FAM227A: variants seen among roughly 807,000 people sequenced by gnomAD.
FAM227A encodes the protein family with sequence similarity 227 member A.
In FAM227A, 80 loss-of-function variants were observed where a neutral mutation model predicts 74.7. That is an observed-to-expected ratio of 1.07 (90% CI 0.89 to 1.29). The LOEUF (loss-of-function observed/expected upper bound fraction) is 1.29. FAM227A is among the 50% of genes most tolerant of loss of function. FAM227A has a pLI of 0.00. For synonymous variants in FAM227A, 237 were observed against 241.8 expected, an observed-to-expected ratio of 0.98 and a Z score of 0.19; for missense variants, 654 against 683.4, an observed-to-expected ratio of 0.96 and a Z score of 0.48.
At chr22:38,593,933 C>G (rs187199365) in intron 15 of FAM227A, among the ~76,000 whole-genome samples, 33 of 152,242 alleles carry the variant, frequency 2.2e-4, no homozygotes, top group Admixed American at 3.9e-4. Context: ...CTCAAATGAT[C>G]CACCCGCCTC....
chr22:38,648,385 A>C (rs2092274362), intron 2 of FAM227A, among the ~76,000 whole-genome samples: 1 of 151,362 alleles, frequency 6.6e-6, no homozygotes, highest in East Asian at 1.9e-4. Context: ...AGGCAGGCGG[A>C]TCACCTGAGG....
rs1017307950 is a variant in FAM227A at position 38,627,294 on chromosome 22, G to T, written c.726+944C>A. 6.6e-5 allele frequency among the ~76,000 whole-genome samples: 10 copies of T among 152,036 alleles called. No individual in the cohort carries two copies. The South Asian group carries it at 1.9e-3, about 28-fold the overall frequency. On this transcript the variant is annotated intron_variant, in intron 8 of 16. Transcript: ENST00000535113. ...TATAAAATGGAAAGGGAGGCCGGGC[G>T]CAGTGGCTCATGCCTGTAATCCCAG...
chr22:38,581,866 C>A lies in FAM227A; in HGVS notation c.*4259G>T. On this transcript the variant is annotated 3_prime_UTR_variant, in exon 17 of 17. Transcript: ENST00000535113. ...CAAGCGATCCTCCCACCTCAGCCTC[C>A]CTAGTAGCTAGGACTATAGGTATGC... The A allele has an allele frequency of 6.5e-6, 1 of 153,716 alleles. No homozygotes were observed. The highest frequency in any genetic ancestry group is 1.9e-4 in the East Asian group (1 of 5,234). 9.5% of individuals were successfully genotyped at this position (153,716 alleles called of 1,614,324 possible).
chr22:38,612,691 T>C (rs908116442), intron 11 of FAM227A, among the ~76,000 whole-genome samples: 38 of 151,890 alleles, frequency 2.5e-4, no homozygotes, highest in Non-Finnish European at 2.2e-4. Context: ...GGGGAGGAAA[T>C]GGGAAGTATG....
chr22:38,597,238 T>G lies in FAM227A; in HGVS notation c.1498A>C (p.Lys500Gln). The part of the protein sequence containing the change: ...HHWTEWNYFD[K>Q]HLKELQDNFS... ...TTGTCTTGCAGCTCCTTTAGATGCT[T>G]GTCAAAATAATTCCATTCAGTCCAA... The change falls in exon 15 of 17, where the codon AAG becomes CAG. Residue 500 changes from lysine (K) to glutamine (Q), a missense_variant. Lys to Gln is a moderately conservative substitution (Grantham distance 53). Transcript: ENST00000535113. 2 of 1,552,328 alleles carry G rather than the reference T, an allele frequency of 1.3e-6. No homozygotes were observed. Among genetic ancestry groups the G allele is most frequent in the South Asian group, 1.2e-5 (1 of 84,062 alleles).
intron 11 of FAM227A, among the ~76,000 whole-genome samples, chr22:38,614,706 T>C (rs908735214): frequency 1.3e-5 from 2 of 152,168 alleles, no homozygotes; most frequent in African/African-American, 4.8e-5. Flanking sequence ...TTTGATTATT[T>C]CTATTTTGGG....
chr22:38,611,721 T>C (rs902445854), intron 11 of FAM227A, among the ~76,000 whole-genome samples: 1 of 152,150 alleles, frequency 6.6e-6, no homozygotes, highest in African/African-American at 2.4e-5. Flanking sequence ...TTGCCCGTGG[T>C]TCCACTGTAG....
At chr22:38,625,387 C>CAAAAA (rs1037434338) in intron 9 of FAM227A, among the ~76,000 whole-genome samples, 1 of 75,308 alleles carries the variant, frequency 1.3e-5, no homozygotes, top group Non-Finnish European at 2.7e-5. Flanking sequence ...AGATCCGTCT[C>CAAAAA]AAAAAAAAAA....
intron 8 of FAM227A, among the ~76,000 whole-genome samples, chr22:38,626,895 T>TAC (rs2091820311): frequency 1.7e-5 from 1 of 57,518 alleles, no homozygotes; most frequent in Non-Finnish European, 3.0e-5. Flanking sequence ...AAAAAAAATA[T>TAC]ATATATATAT....
chr22:38,621,368 GA>G (rs2091687130), intron 10 of FAM227A, among the ~76,000 whole-genome samples: 4 of 128,256 alleles, frequency 3.1e-5, no homozygotes, highest in Non-Finnish European at 5.0e-5. Flanking sequence ...AAAAAAGAAA[GA>G]AAAGAAAAGA....
At chr22:38,649,924 T>A in intron 2 of FAM227A, 103 bp downstream of exon 2, 3 of 977,576 alleles carry the variant, frequency 3.1e-6, no homozygotes, top group South Asian at 1.7e-5. Context: ...GACAAGCTAA[T>A]AAGTAATGTG....
chr22:38,629,342 A>G (rs2091871707), intron 6 of FAM227A, among the ~76,000 whole-genome samples: 1 of 152,268 alleles, frequency 6.6e-6, no homozygotes, highest in African/African-American at 2.4e-5. Context: ...TTCTAAAGTT[A>G]AAATGGAATT....
In FAM227A at chr22:38,582,884, A is replaced by G. The variant is rs1312400290; in HGVS notation, c.*3241T>C. ...TACCTTGCTCCTGGTATATTAGGGAAGGCTCCCAAGATGAGGGACGTCTAA... is the reference window on the plus strand; with the variant it reads ...TACCTTGCTCCTGGTATATTAGGGAGGGCTCCCAAGATGAGGGACGTCTAA... On this transcript the variant is annotated 3_prime_UTR_variant, in exon 17 of 17. Coordinates refer to ENST00000535113, the MANE Select transcript of FAM227A (RefSeq NM_001013647.2). The G allele has an allele frequency of 9.0e-6, 14 of 1,550,588 alleles. No individual in the cohort carries two copies. The highest frequency in any genetic ancestry group is 1.2e-5 in the Non-Finnish European group (14 of 1,146,996).
chr22:38,597,406 C>A (rs1463789051), intron 14 of FAM227A, 50 bp from the exon 15 acceptor site: 2 of 1,537,026 alleles, frequency 1.3e-6, no homozygotes, highest in Admixed American at 3.9e-5. Flanking sequence ...TGTGTTGACG[C>A]TGCATTATTA....
chr22:38,596,477 T>C (rs1195906882), intron 15 of FAM227A, among the ~76,000 whole-genome samples: 1 of 152,088 alleles, frequency 6.6e-6, no homozygotes, highest in Non-Finnish European at 1.5e-5. Context: ...ACCCAGGAGT[T>C]TGAGGCTGCA....
At chr22:38,601,219 C>T (rs2146217195) in intron 13 of FAM227A, among the ~76,000 whole-genome samples, 1 of 151,948 alleles carries the variant, frequency 6.6e-6, no homozygotes, top group African/African-American at 2.4e-5. Flanking sequence ...TCAATCAGGC[C>T]AGGGTATGGA....
intron 11 of FAM227A, among the ~76,000 whole-genome samples, chr22:38,613,378 A>T (rs75782026): frequency 9.3e-5 from 8 of 86,208 alleles, no homozygotes; most frequent in African/African-American, 1.7e-4. Flanking sequence ...ATAATATATA[A>T]CATATATTAT....
At chr22:38,601,849 G>A (rs1487325160) in intron 13 of FAM227A, among the ~76,000 whole-genome samples, 1 of 152,120 alleles carries the variant, frequency 6.6e-6, no homozygotes, top group Non-Finnish European at 1.5e-5. Flanking sequence ...ACAATCTGGG[G>A]AGGAACAGGC....
At chr22:38,625,989 G>A (rs953537666) in intron 9 of FAM227A, among the ~76,000 whole-genome samples, 191 bp downstream of exon 9, 2 of 150,436 alleles carry the variant, frequency 1.3e-5, no homozygotes, top group African/African-American at 4.9e-5. Flanking sequence ...TCTCAGAACT[G>A]TTTTGAGGAA....
Sources: gnomAD v4.1 joint callset for allele counts (sites outside exome capture counted in the v4.1 genomes callset) on GRCh38, gnomAD v4.1.1 for gene constraint, MANE v1.5 for transcripts, NCBI Gene and HGNC (gene_info 2026-07-23, HGNC 2026-07-21) for gene names.